CLSTN2: variants seen among roughly 807,000 people sequenced by gnomAD.
CLSTN2 encodes calsyntenin 2, also known as calsyntenin-2.
Under a neutral mutation model 101.2 loss-of-function variants are expected in CLSTN2, and 48 were observed. The observed-to-expected ratio is 0.47, with a 90% CI of 0.38 to 0.60. CLSTN2 has a LOEUF of 0.60. Ranked by LOEUF, CLSTN2 falls within the 20% of genes least tolerant of loss-of-function variation. The probability of loss-of-function intolerance (pLI) is 0.00; values close to 1 mark genes in which losing one functional copy is unlikely to be tolerated. For synonymous variants in CLSTN2, 481 were observed against 463.6 expected (o/e 1.04, Z -0.48); for missense variants, 1,160 against 1,238.2 (o/e 0.94, Z 0.95).
intron 2 of CLSTN2, among the ~76,000 whole-genome samples, chr3:140,270,348 A>T (rs900242462): frequency 2.0e-5 from 3 of 152,152 alleles, no homozygotes; most frequent in Admixed American, 2.0e-4. Flanking sequence ...ACACTCTGCC[A>T]TGTGTTCATT....
chr3:140,331,261 G>A (rs1312228327), intron 2 of CLSTN2, among the ~76,000 whole-genome samples: 3 of 152,184 alleles, frequency 2.0e-5, no homozygotes, highest in African/African-American at 4.8e-5. Flanking sequence ...GACTCGGCAC[G>A]CTGCTCATCT....
At chr3:140,251,410 T>C (rs891979213) in intron 2 of CLSTN2, among the ~76,000 whole-genome samples, 1 of 152,218 alleles carries the variant, frequency 6.6e-6, no homozygotes, top group Non-Finnish European at 1.5e-5. Flanking sequence ...TAAACGCATA[T>C]TTTGTGACTA....
Position 140,569,389 on chromosome 3 carries a change from C to A in CLSTN2, c.*3136C>A, listed in dbSNP as rs985954684. On this transcript the variant is annotated 3_prime_UTR_variant, in exon 17 of 17. Transcript: ENST00000458420. The stretch of plus-strand genomic sequence containing the variant: ...TTCATTGCTTGTCTTGCCAAGTGGA[C>A]AACCAGATTCTGCCTTCCTGAGCTT... 5 of 152,164 alleles carry A rather than the reference C, an allele frequency of 3.3e-5. No homozygotes were observed. The highest frequency in any genetic ancestry group is 1.2e-4 in the African/African-American group (5 of 41,438). 9.4% of individuals were successfully genotyped at this position (152,164 alleles called of 1,614,324 possible).
At chr3:140,423,256 G>A (rs2088525610) in intron 5 of CLSTN2, among the ~76,000 whole-genome samples, 1 of 152,148 alleles carries the variant, frequency 6.6e-6, no homozygotes, top group African/African-American at 2.4e-5. Context: ...AGAATGTATT[G>A]AGCACCACCT....
chr3:140,333,086 G>A (rs1178954265), intron 2 of CLSTN2, among the ~76,000 whole-genome samples: 2 of 152,142 alleles, frequency 1.3e-5, no homozygotes, highest in East Asian at 3.9e-4. Flanking sequence ...GACTGAGTAG[G>A]ACCCCAGGTG....
At chr3:139,946,666 T>C (rs2107808631) in intron 1 of CLSTN2, among the ~76,000 whole-genome samples, 2 of 152,298 alleles carry the variant, frequency 1.3e-5, no homozygotes, top group South Asian at 4.1e-4. Flanking sequence ...CCTCACCTGC[T>C]GAGATGGAGG....
intron 5 of CLSTN2, among the ~76,000 whole-genome samples, chr3:140,423,984 G>T (rs1360387284): frequency 2.0e-5 from 3 of 152,188 alleles, no homozygotes; most frequent in Non-Finnish European, 4.4e-5. Context: ...CTCTCATGGC[G>T]ACTGGCCAAG....
At chr3:140,192,830 G>A (rs769673340) in intron 2 of CLSTN2, among the ~76,000 whole-genome samples, 1 of 151,638 alleles carries the variant, frequency 6.6e-6, no homozygotes, top group African/African-American at 2.4e-5. Flanking sequence ...TTTTATTTTT[G>A]TGTTGTTCTA....
chr3:140,084,997 T>C (rs756570184), intron 1 of CLSTN2, among the ~76,000 whole-genome samples: 3 of 152,234 alleles, frequency 2.0e-5, no homozygotes, highest in African/African-American at 4.8e-5. Flanking sequence ...AGTTTGTTTC[T>C]AGTGTGTGTG....
intron 1 of CLSTN2, among the ~76,000 whole-genome samples, chr3:140,110,355 C>A (rs1415989977): frequency 6.6e-6 from 1 of 152,104 alleles, no homozygotes; most frequent in African/African-American, 2.4e-5. Context: ...TAAGAGAAAC[C>A]TCAGAGCCTA....
intron 2 of CLSTN2, among the ~76,000 whole-genome samples, chr3:140,195,754 G>A (rs929609407): frequency 3.3e-5 from 5 of 152,136 alleles, no homozygotes; most frequent in African/African-American, 1.2e-4. Context: ...TCCAGGCAAC[G>A]AGCTTGTGAA....
intron 2 of CLSTN2, among the ~76,000 whole-genome samples, chr3:140,335,965 C>T (rs1047929388): frequency 6.6e-6 from 1 of 152,258 alleles, no homozygotes; most frequent in Admixed American, 6.5e-5. Flanking sequence ...GGCTCCAAGC[C>T]ACACCAAGTC....
intron 6 of CLSTN2, among the ~76,000 whole-genome samples, chr3:140,456,779 C>T (rs1047283148): frequency 2.7e-5 from 4 of 147,968 alleles, no homozygotes; most frequent in Admixed American, 6.9e-5. Flanking sequence ...AGCAAGAGTC[C>T]GTCTCAAAAA....
intron 1 of CLSTN2, among the ~76,000 whole-genome samples, chr3:140,147,705 A>G (rs766548135): frequency 6.6e-5 from 10 of 152,148 alleles, no homozygotes; most frequent in Non-Finnish European, 1.3e-4. Flanking sequence ...AGATCCCGGG[A>G]TTACAGAAAT....
intron 9 of CLSTN2, among the ~76,000 whole-genome samples, chr3:140,542,550 T>C (rs773594626): frequency 1.4e-4 from 21 of 152,194 alleles, no homozygotes; most frequent in Non-Finnish European, 2.8e-4. Flanking sequence ...GATTTTTCAA[T>C]ATATCTATTA....
chr3:140,378,146 T>A (rs572390805), intron 2 of CLSTN2, among the ~76,000 whole-genome samples: 1 of 152,342 alleles, frequency 6.6e-6, no homozygotes, highest in East Asian at 1.9e-4. Context: ...CCACCTAGGT[T>A]TGTGTAAAAG....
intron 1 of CLSTN2, among the ~76,000 whole-genome samples, chr3:140,047,661 G>A (rs1560078754): frequency 6.6e-6 from 1 of 152,164 alleles, no homozygotes; most frequent in Non-Finnish European, 1.5e-5. Context: ...CTCACTGGTG[G>A]GGACTCTCTG....
intron 2 of CLSTN2, among the ~76,000 whole-genome samples, chr3:140,299,936 G>A (rs1209334878): frequency 6.6e-6 from 1 of 152,146 alleles, no homozygotes; most frequent in Admixed American, 6.5e-5. Flanking sequence ...TTATTGAATG[G>A]TTGGGAGAAT....
chr3:140,040,091 C>T (rs73867283), intron 1 of CLSTN2, among the ~76,000 whole-genome samples: 2,325 of 152,266 alleles, frequency 0.015, 67 homozygotes, highest in African/African-American at 0.051. Context: ...ACATTGTTTA[C>T]TAAGTTGCTA....
Sources: allele counts gnomAD v4.1 joint callset (sites outside exome capture counted in the v4.1 genomes callset), GRCh38; gene constraint gnomAD v4.1.1; transcripts MANE v1.5; gene names NCBI Gene and HGNC (gene_info 2026-07-23, HGNC 2026-07-21).